S100Z: variants seen among roughly 807,000 people sequenced by gnomAD.
The protein encoded by S100Z is S100 calcium binding protein Z.
Under a neutral mutation model 8.5 loss-of-function variants are expected in S100Z, and 11 were observed. The observed-to-expected ratio is 1.30, with a 90% CI of 0.82 to 2.15. The LOEUF (loss-of-function observed/expected upper bound fraction) is 2.15. Among genes scored for constraint, S100Z ranks in the 30% most tolerant of loss-of-function variants. The probability of loss-of-function intolerance (pLI) is 0.00; values close to 1 mark genes in which losing one functional copy is unlikely to be tolerated. For synonymous variants in S100Z, 34 were observed against 43.8 expected (o/e 0.78, Z 0.89); for missense variants, 126 against 117.9 (o/e 1.07, Z -0.32).
chr5:76,923,935 A>G (rs145687653), downstream of S100Z, among the ~76,000 whole-genome samples: 745 of 152,180 alleles, frequency 4.9e-3, 6 homozygotes, highest in African/African-American at 0.017. Context: ...CCACCCCCCA[A>G]TTCTCTGTGT....
chr5:76,942,014 G>C, the S100Z span, among the ~76,000 whole-genome samples: 1 of 151,898 alleles, frequency 6.6e-6, no homozygotes, highest in Non-Finnish European at 1.5e-5. Flanking sequence ...AGTTGGTTCT[G>C]GATGTTTACT....
chr5:76,875,481 A>C lies in S100Z; in HGVS notation c.122A>C (p.Glu41Ala), dbSNP rs1175570195. ...GAACTGAAACTGCTCCTGCAGCGAG[A>C]GCTCACGGAATTCCTCTCGGTGAGT... ...KGELKLLLQR[E>A]LTEFLSCQKE... Residue 41 changes from glutamate to alanine, a missense_variant, in exon 3 of 5, where the codon GAG becomes GCG. Coordinates refer to ENST00000317593, the MANE Select transcript of S100Z (RefSeq NM_130772.4). The C allele has an allele frequency of 6.2e-7, 1 of 1,610,168 alleles. No homozygotes were observed. The highest frequency in any genetic ancestry group is 2.2e-5 in the East Asian group (1 of 44,766).
chr5:76,951,447 GGC>G, the S100Z span, among the ~76,000 whole-genome samples: 1 of 152,226 alleles, frequency 6.6e-6, no homozygotes, highest in South Asian at 2.1e-4. Flanking sequence ...AAGAGGTAAA[GGC>G]AGAGGTCTCC....
chr5:76,911,333 A>G (rs777937015), intron 4 of S100Z, among the ~76,000 whole-genome samples: 5 of 152,188 alleles, frequency 3.3e-5, no homozygotes, highest in African/African-American at 9.6e-5. Flanking sequence ...ACTCATCAAA[A>G]AGGCAGTAAT....
In S100Z at chr5:76,913,121, A is replaced by G. The variant is rs138634824; in HGVS notation, c.*3-7596A>G. 4.5e-3 allele frequency among the ~76,000 whole-genome samples: 678 copies of G among 152,230 alleles called. 3 individuals are homozygous for G. The highest frequency in any genetic ancestry group is 6.7e-3 in the Non-Finnish European group (453 of 68,006). The stretch of plus-strand genomic sequence containing the variant: ...AAGGTCTTCTCTGTAACCCTATAAC[A>G]CTCCAATACCACCTTGTTGTCAGTG... On this transcript the variant is annotated intron_variant, in intron 4 of 4. Transcript: ENST00000317593.
chr5:76,923,244 A>G (rs1045271364), downstream of S100Z, among the ~76,000 whole-genome samples: 7 of 152,120 alleles, frequency 4.6e-5, no homozygotes, highest in African/African-American at 1.7e-4. Flanking sequence ...GTCTTTTGTA[A>G]TTTCCCCCCA....
At chr5:76,889,607 A>C (rs1196677429) in intron 4 of S100Z, among the ~76,000 whole-genome samples, 1 of 152,274 alleles carries the variant, frequency 6.6e-6, no homozygotes, top group African/African-American at 2.4e-5. Context: ...AACAATGTTA[A>C]TTTCATGGCA....
chr5:76,853,093 A>AC (rs1232701318), intron 1 of S100Z, among the ~76,000 whole-genome samples: 2 of 152,212 alleles, frequency 1.3e-5, no homozygotes, highest in Non-Finnish European at 2.9e-5. Context: ...CCCTTGAAGC[A>AC]CAGCTGCTTA....
the S100Z span, among the ~76,000 whole-genome samples, chr5:76,948,055 G>A: frequency 3.9e-5 from 6 of 152,216 alleles, no homozygotes; most frequent in South Asian, 2.1e-4. Flanking sequence ...GCTGGGAGCC[G>A]CGGCTCACAT....
the S100Z span, among the ~76,000 whole-genome samples, chr5:76,940,416 T>C: frequency 6.6e-6 from 1 of 151,872 alleles, no homozygotes; most frequent in East Asian, 1.9e-4. Context: ...TTTCTTTTTT[T>C]TTTTTCTTTT....
intron 4 of S100Z, among the ~76,000 whole-genome samples, chr5:76,918,840 A>C (rs1261618688): frequency 1.3e-5 from 2 of 152,180 alleles, no homozygotes; most frequent in African/African-American, 2.4e-5. Flanking sequence ...TCTGTACTCT[A>C]TCTATTCAAC....
chr5:76,935,187 A>G, the S100Z span, among the ~76,000 whole-genome samples: 6 of 152,228 alleles, frequency 3.9e-5, no homozygotes, highest in African/African-American at 9.6e-5. Flanking sequence ...AATACATGTC[A>G]TATTTAATGT....
intron 4 of S100Z, among the ~76,000 whole-genome samples, chr5:76,895,516 A>G (rs758225015): frequency 7.9e-5 from 12 of 152,106 alleles, no homozygotes; most frequent in Non-Finnish European, 1.5e-4. Context: ...CCTGATGTCC[A>G]ATGGCTTACC....
chr5:76,892,274 G>T (rs1456506249), intron 4 of S100Z, among the ~76,000 whole-genome samples: 1 of 152,128 alleles, frequency 6.6e-6, no homozygotes, highest in Non-Finnish European at 1.5e-5. Flanking sequence ...AGATCGGTAG[G>T]ATGGTATGGT....
At chr5:76,946,263 T>C in the S100Z span, among the ~76,000 whole-genome samples, 11,807 of 152,254 alleles carry the variant, frequency 0.078, 738 homozygotes, top group African/African-American at 0.17. Context: ...CACTTTCTTA[T>C]TCCCAGTGTT....
Position 76,921,038 on chromosome 5 carries a change from A to G in S100Z, c.*324A>G, listed in dbSNP as rs1241142226. On this transcript the variant is annotated 3_prime_UTR_variant, in exon 5 of 5. Coordinates refer to ENST00000317593, the MANE Select transcript of S100Z (RefSeq NM_130772.4). ...TACCATTTCTCATTAAAAAAGTAATATAAGTTTATTGTAGGGGGAAATAAT... is the reference window on the plus strand; with the variant it reads ...TACCATTTCTCATTAAAAAAGTAATGTAAGTTTATTGTAGGGGGAAATAAT... The G allele has an allele frequency of 4.6e-5, 7 of 152,334 alleles. No homozygotes were observed. The highest frequency in any genetic ancestry group is 4.1e-4 in the South Asian group (2 of 4,830). 9.4% of individuals were successfully genotyped at this position (152,334 alleles called of 1,614,324 possible).
chr5:76,933,426 A>G, the S100Z span, among the ~76,000 whole-genome samples: 1 of 152,180 alleles, frequency 6.6e-6, no homozygotes, highest in African/African-American at 2.4e-5. Context: ...AAACAGTGTG[A>G]ATGTTCCCTA....
At chr5:76,933,490 G>A in the S100Z span, among the ~76,000 whole-genome samples, 1 of 152,124 alleles carries the variant, frequency 6.6e-6, no homozygotes, top group African/African-American at 2.4e-5. Flanking sequence ...TGCTCAGAAC[G>A]GCCCGTGATA....
chr5:76,885,407 T>A (rs1317304005), intron 4 of S100Z, among the ~76,000 whole-genome samples: 1 of 141,726 alleles, frequency 7.1e-6, no homozygotes, highest in African/African-American at 2.7e-5. Flanking sequence ...GGGAGGTGCT[T>A]GCCCCCCAGG....
Sources: gnomAD v4.1 joint callset for allele counts (sites outside exome capture counted in the v4.1 genomes callset) on GRCh38, gnomAD v4.1.1 for gene constraint, MANE v1.5 for transcripts, NCBI Gene and HGNC (gene_info 2026-07-23, HGNC 2026-07-21) for gene names.